Variants in RBFOX1 observed in about 807,000 individuals in gnomAD.
RBFOX1 encodes RNA binding protein fox-1 homolog 1.
Under a neutral mutation model 57.7 loss-of-function variants are expected in RBFOX1, and 8 were observed. The ratio of observed to expected loss-of-function variants is 0.14; its 90% CI spans 0.08 to 0.25. The LOEUF (loss-of-function observed/expected upper bound fraction) is 0.25. Among genes scored for constraint, RBFOX1 ranks in the 10% least tolerant of loss-of-function variants. RBFOX1 has a pLI of 1.00. For synonymous variants in RBFOX1, 326 were observed against 222.4 expected, an observed-to-expected ratio of 1.47 and a Z score of -4.15; for missense variants, 611 against 548.5, an observed-to-expected ratio of 1.11 and a Z score of -1.14.
In RBFOX1 at chr16:5,245,238, C is replaced by T. The variant is rs527538147; in HGVS notation, c.219+5133C>T. 6.4e-4 allele frequency among the ~76,000 whole-genome samples: 98 copies of T among 152,254 alleles called. 1 individual carries two copies. In the South Asian group the frequency reaches 0.016, roughly 25 times the overall value. ...CATGGGATATGTTCCAAAGGACTTA[C>T]GGACCTATCAGGTACTGGAGGTGAA... On this transcript the variant is annotated intron_variant, in intron 1 of 2. Transcript: ENST00000585867.
At chr16:7,701,688 G>T (rs183660238) in intron 14 of RBFOX1, among the ~76,000 whole-genome samples, 4 of 152,098 alleles carry the variant, frequency 2.6e-5, no homozygotes, top group Admixed American at 2.6e-4. Flanking sequence ...CATCCCTATG[G>T]TCAATAAATG....
intron 13 of RBFOX1, among the ~76,000 whole-genome samples, chr16:7,672,267 A>C (rs184859560): frequency 2.7e-4 from 41 of 152,306 alleles, no homozygotes; most frequent in African/African-American, 8.7e-4. Context: ...AGAGTCTCCA[A>C]ATTTGGTCTA....
At chr16:7,634,679 G>A (rs942276152) in intron 11 of RBFOX1, among the ~76,000 whole-genome samples, 8 of 152,048 alleles carry the variant, frequency 5.3e-5, no homozygotes, top group African/African-American at 1.4e-4. Flanking sequence ...AACTAATTCC[G>A]TAGACTCTTC....
chr16:7,649,258 G>T (rs1195368750), intron 11 of RBFOX1, among the ~76,000 whole-genome samples: 1 of 151,928 alleles, frequency 6.6e-6, no homozygotes, highest in African/African-American at 2.4e-5. Context: ...CTGCTACAAG[G>T]GTTTGTGATA....
chr16:5,722,975 G>T (rs2151538668), intron 3 of RBFOX1, among the ~76,000 whole-genome samples: 1 of 152,214 alleles, frequency 6.6e-6, no homozygotes, highest in East Asian at 1.9e-4. Flanking sequence ...GGCCCTATTT[G>T]TCCACTGCCA....
At chr16:5,509,542 G>A (rs1439920490) in intron 2 of RBFOX1, among the ~76,000 whole-genome samples, 1 of 152,218 alleles carries the variant, frequency 6.6e-6, no homozygotes, top group East Asian at 1.9e-4. Flanking sequence ...GAAGTGGCTG[G>A]CGGCCCAGAG....
At chr16:6,274,844 C>G (rs932988405) in intron 1 of RBFOX1, among the ~76,000 whole-genome samples, 3 of 152,186 alleles carry the variant, frequency 2.0e-5, no homozygotes, top group Admixed American at 6.5e-5. Flanking sequence ...GACAGTTGAA[C>G]TTTCCTACAT....
At chr16:7,366,429 G>GA (rs762399748) in intron 4 of RBFOX1, among the ~76,000 whole-genome samples, 3 of 152,074 alleles carry the variant, frequency 2.0e-5, no homozygotes, top group Admixed American at 6.5e-5. Flanking sequence ...GTTTGGCCTT[G>GA]AAAAAAATCA....
At chr16:7,198,337 A>G (rs1222899818) in intron 4 of RBFOX1, among the ~76,000 whole-genome samples, 19 of 152,276 alleles carry the variant, frequency 1.2e-4, no homozygotes, top group Non-Finnish European at 8.8e-5. Context: ...TGGGGTGATG[A>G]AAATGTTTTG....
chr16:7,501,506 C>G (rs2070853997), intron 4 of RBFOX1, among the ~76,000 whole-genome samples: 1 of 152,192 alleles, frequency 6.6e-6, no homozygotes, highest in African/African-American at 2.4e-5. Context: ...TAGGTCTCTG[C>G]TTTTGAGAGC....
At chr16:7,080,971 G>C (rs1038460919) in intron 4 of RBFOX1, among the ~76,000 whole-genome samples, 1 of 152,188 alleles carries the variant, frequency 6.6e-6, no homozygotes, top group Non-Finnish European at 1.5e-5. Context: ...AGCTCTGCAT[G>C]AACTGGTCTT....
At chr16:5,821,678 G>C (rs1368264074) in intron 3 of RBFOX1, among the ~76,000 whole-genome samples, 1 of 152,168 alleles carries the variant, frequency 6.6e-6, no homozygotes, top group Admixed American at 6.6e-5. Flanking sequence ...TCCTGAGACT[G>C]TGTAACTTAC....
intron 2 of RBFOX1, among the ~76,000 whole-genome samples, chr16:6,321,407 C>A (rs532366025): frequency 8.5e-5 from 13 of 152,282 alleles, no homozygotes; most frequent in East Asian, 3.9e-4. Context: ...AGGACTCTGA[C>A]TGATAAATTG....
rs570845085 is a variant in RBFOX1 at position 7,179,310 on chromosome 16, T to G, written c.27+127212T>G. On this transcript the variant is annotated intron_variant, in intron 4 of 15. Transcript: ENST00000550418. Reference sequence around the variant, plus strand: ...TTGGAAGTGTCAAGAGATTCTGTGTTCAAACATTCTCAAAGCACCGCTTTC... The same window carrying G: ...TTGGAAGTGTCAAGAGATTCTGTGTGCAAACATTCTCAAAGCACCGCTTTC... Among the ~76,000 whole-genome samples, 7 of 152,210 alleles carry G rather than the reference T, an allele frequency of 4.6e-5. No individual in the cohort carries two copies. In the South Asian group the frequency reaches 1.5e-3, roughly 32 times the overall value.
chr16:5,951,898 A>G (rs1267244980), intron 4 of RBFOX1, among the ~76,000 whole-genome samples: 3 of 151,828 alleles, frequency 2.0e-5, no homozygotes, highest in African/African-American at 7.3e-5. Flanking sequence ...ATACATATAT[A>G]TACATACTCT....
At chr16:6,235,728 A>T (rs1459649801) in intron 1 of RBFOX1, among the ~76,000 whole-genome samples, 1 of 152,118 alleles carries the variant, frequency 6.6e-6, no homozygotes, top group Non-Finnish European at 1.5e-5. Flanking sequence ...GAGATTGGAG[A>T]CTATTACTCT....
intron 1 of RBFOX1, among the ~76,000 whole-genome samples, chr16:6,113,856 G>T (rs74004762): frequency 6.6e-6 from 1 of 152,164 alleles, no homozygotes; most frequent in Non-Finnish European, 1.5e-5. Flanking sequence ...CTGCCAGGCC[G>T]TTCTCCTTTG....
chr16:7,660,998 A>C (rs1000228658), intron 12 of RBFOX1, among the ~76,000 whole-genome samples: 2 of 152,190 alleles, frequency 1.3e-5, no homozygotes, highest in African/African-American at 4.8e-5. Context: ...TATTCTAAGG[A>C]CTGAGTGGGA....
intron 1 of RBFOX1, among the ~76,000 whole-genome samples, chr16:6,067,986 C>T (rs372456825): frequency 2.4e-3 from 372 of 152,262 alleles, no homozygotes; most frequent in African/African-American, 8.6e-3. Flanking sequence ...GTTCATTTTA[C>T]AGGGAAAACA....
Sources: allele counts gnomAD v4.1 joint callset (sites outside exome capture counted in the v4.1 genomes callset), GRCh38; gene constraint gnomAD v4.1.1; transcripts MANE v1.5; gene names NCBI Gene and HGNC (gene_info 2026-07-23, HGNC 2026-07-21).